ZDHHC14: variants seen among roughly 807,000 people sequenced by gnomAD.
ZDHHC14 encodes the protein palmitoyltransferase ZDHHC14.
ZDHHC14 carries 16 observed loss-of-function variants against 47.7 expected under a neutral mutation model. The observed-to-expected ratio is 0.34, with a 90% CI of 0.23 to 0.51. The LOEUF is 0.51. Ranked by LOEUF, ZDHHC14 falls within the 20% of genes least tolerant of loss-of-function variation. ZDHHC14 has a pLI of 0.97. For missense variants in ZDHHC14, 515 were observed against 662.5 expected, an observed-to-expected ratio of 0.78 and a Z score of 2.44; for synonymous variants, 293 against 278.9, an observed-to-expected ratio of 1.05 and a Z score of -0.50.
At chr6:157,638,881 T>C (rs1045111834) in intron 5 of ZDHHC14, among the ~76,000 whole-genome samples, 1 of 152,168 alleles carries the variant, frequency 6.6e-6, no homozygotes, top group South Asian at 2.1e-4. Context: ...GGGTGGGTTC[T>C]AGTGGGGGAC....
At chr6:157,390,415 C>T (rs1011036555) in intron 1 of ZDHHC14, among the ~76,000 whole-genome samples, 5 of 152,172 alleles carry the variant, frequency 3.3e-5, no homozygotes, top group Admixed American at 1.3e-4. Context: ...TGCCGAGCTT[C>T]TTGGATCTGT....
At chr6:157,425,572 G>A (rs945414564) in intron 1 of ZDHHC14, among the ~76,000 whole-genome samples, 2 of 152,152 alleles carry the variant, frequency 1.3e-5, no homozygotes, top group Admixed American at 6.5e-5. Flanking sequence ...TTTTGGTTGC[G>A]ATATCTGCAT....
At chr6:157,544,797 G>A (rs989718674) in intron 2 of ZDHHC14, among the ~76,000 whole-genome samples, 1 of 152,194 alleles carries the variant, frequency 6.6e-6, no homozygotes, top group Non-Finnish European at 1.5e-5. Context: ...TTACTGGTGG[G>A]ATTGTAAAAT....
At chr6:157,602,317 GC>G (rs1434677514) in intron 3 of ZDHHC14, among the ~76,000 whole-genome samples, 3 of 151,754 alleles carry the variant, frequency 2.0e-5, no homozygotes, top group Non-Finnish European at 4.4e-5. Flanking sequence ...AACCAGCCTG[GC>G]CAACATGGTG....
chr6:157,460,928 A>G (rs1197275168), intron 1 of ZDHHC14, among the ~76,000 whole-genome samples: 1 of 152,232 alleles, frequency 6.6e-6, no homozygotes, highest in African/African-American at 2.4e-5. Context: ...GGAGACACCC[A>G]GATCATCCCT....
At chr6:157,471,987 C>T (rs1390463046) in intron 1 of ZDHHC14, among the ~76,000 whole-genome samples, 1 of 152,182 alleles carries the variant, frequency 6.6e-6, no homozygotes, top group Non-Finnish European at 1.5e-5. Context: ...GCCAATAGTG[C>T]GCACCCACAT....
At chr6:157,563,311 A>G (rs538820500) in intron 2 of ZDHHC14, among the ~76,000 whole-genome samples, 2 of 152,202 alleles carry the variant, frequency 1.3e-5, no homozygotes, top group Non-Finnish European at 2.9e-5. Flanking sequence ...CTGGGCGTTA[A>G]GCGTGCCTCT....
chr6:157,670,630 T>C (rs1342147155), intron 8 of ZDHHC14, among the ~76,000 whole-genome samples: 1 of 152,012 alleles, frequency 6.6e-6, no homozygotes, highest in Non-Finnish European at 1.5e-5. Flanking sequence ...TTTCCTTTCC[T>C]CCAAATAACC....
chr6:157,404,450 T>C (rs577028767), intron 1 of ZDHHC14, among the ~76,000 whole-genome samples: 119 of 152,274 alleles, frequency 7.8e-4, no homozygotes, highest in Middle Eastern at 3.4e-3. Context: ...ATGACTCTTT[T>C]CTGAAAAATA....
chr6:157,414,516 G>A (rs1777935082), intron 1 of ZDHHC14, among the ~76,000 whole-genome samples: 2 of 152,320 alleles, frequency 1.3e-5, no homozygotes, highest in Middle Eastern at 3.4e-3. Context: ...AGGAAGTGCT[G>A]GTGTTGTAGT....
At chr6:157,672,622 G>A (rs1387651113) in intron 8 of ZDHHC14, 102 bp from the exon 9 acceptor site, 3 of 436,434 alleles carry the variant, frequency 6.9e-6, no homozygotes, top group Admixed American at 4.2e-5. Flanking sequence ...CTCTCTTCTC[G>A]CACCCCACCC....
intron 2 of ZDHHC14, 200 bp from the exon 3 acceptor site, chr6:157,592,788 C>G: frequency 7.2e-7 from 1 of 1,397,582 alleles, no homozygotes; most frequent in African/African-American, 1.5e-5. Flanking sequence ...TCACGTGGCC[C>G]CTGCACGTGT....
At chr6:157,579,427 G>A (rs1197735717) in intron 2 of ZDHHC14, among the ~76,000 whole-genome samples, 5 of 152,042 alleles carry the variant, frequency 3.3e-5, no homozygotes, top group Non-Finnish European at 1.5e-5. Flanking sequence ...TCAATCTGCT[G>A]ACCTCGTGAT....
chr6:157,627,201 C>T (rs1298835621), intron 3 of ZDHHC14, among the ~76,000 whole-genome samples: 1 of 152,122 alleles, frequency 6.6e-6, no homozygotes, highest in Admixed American at 6.5e-5. Flanking sequence ...GATACATGAC[C>T]AGAAAGTCAT....
intron 1 of ZDHHC14, among the ~76,000 whole-genome samples, chr6:157,515,527 T>C (rs1438143361): frequency 6.8e-6 from 1 of 148,058 alleles, no homozygotes; most frequent in African/African-American, 2.5e-5. Flanking sequence ...AGTGGCGCGC[T>C]ATCTCCGCTC....
At chr6:157,428,054 G>A (rs1269142887) in intron 1 of ZDHHC14, among the ~76,000 whole-genome samples, 1 of 152,168 alleles carries the variant, frequency 6.6e-6, no homozygotes, top group Non-Finnish European at 1.5e-5. Flanking sequence ...GGGCTGTTCT[G>A]CTGTCGATAT....
intron 2 of ZDHHC14, among the ~76,000 whole-genome samples, chr6:157,571,775 T>C (rs1375668905): frequency 2.4e-5 from 3 of 123,368 alleles, no homozygotes; most frequent in African/African-American, 1.0e-4. Context: ...GAGGAATCTG[T>C]ATTTTTTTTT....
chr6:157,491,374 C>G (rs903172065), intron 1 of ZDHHC14, among the ~76,000 whole-genome samples: 12 of 152,206 alleles, frequency 7.9e-5, no homozygotes, highest in Admixed American at 6.5e-4. Context: ...AAGGCAGGAA[C>G]TACATTGATT....
rs572180032 is a variant in ZDHHC14, at chr6:157,523,190, A to T, written c.246-19395A>T. Among the ~76,000 whole-genome samples the T allele has an allele frequency of 2.2e-4, 34 of 151,458 alleles. No individual in the cohort carries two copies. The Middle Eastern group carries it at 0.01, about 46-fold the overall frequency. On this transcript the variant is annotated intron_variant, in intron 1 of 8. Coordinates refer to ENST00000359775, the MANE Select transcript of ZDHHC14 (RefSeq NM_024630.3). ...TGCTATTCTTAATTTCCTTTCTTTG[A>T]TTATTAGTGAAGTTAATGGGCACTT... is the stretch of plus-strand genomic sequence containing the variant.
Sources: gnomAD v4.1 joint callset for allele counts (sites outside exome capture counted in the v4.1 genomes callset) on GRCh38, gnomAD v4.1.1 for gene constraint, MANE v1.5 for transcripts, NCBI Gene and HGNC (gene_info 2026-07-23, HGNC 2026-07-21) for gene names.